Variants in PEX5L observed in about 807,000 individuals in gnomAD.
PEX5L encodes peroxisomal biogenesis factor 5 like.
In PEX5L, 30 loss-of-function variants were observed where a neutral mutation model predicts 84.0. The ratio of observed to expected loss-of-function variants is 0.36; its 90% CI spans 0.27 to 0.48. PEX5L has a LOEUF of 0.48. Ranked by LOEUF, PEX5L falls within the 20% of genes least tolerant of loss-of-function variation. The pLI is 0.99. For synonymous variants in PEX5L, 270 were observed against 283.1 expected (o/e 0.95, Z 0.46); for missense variants, 533 against 754.6 (o/e 0.71, Z 3.44).
At chr3:179,857,888 A>C (rs571005305) in intron 8 of PEX5L, among the ~76,000 whole-genome samples, 1 of 152,346 alleles carries the variant, frequency 6.6e-6, no homozygotes, top group South Asian at 2.1e-4. Context: ...AGTTGATCAC[A>C]TTCAAGAGCA....
At chr3:179,894,758 A>G (rs1758696296) in intron 3 of PEX5L, among the ~76,000 whole-genome samples, 1 of 152,076 alleles carries the variant, frequency 6.6e-6, no homozygotes, top group Admixed American at 6.6e-5. Flanking sequence ...AGAAAAAACA[A>G]AGGCTGGGTT....
At chr3:180,033,376 T>G in intron 1 of PEX5L, among the ~76,000 whole-genome samples, 1 of 147,832 alleles carries the variant, frequency 6.8e-6, no homozygotes, top group East Asian at 1.9e-4. Context: ...TTTGTTTGAT[T>G]GCCTTCTGAA....
intron 1 of PEX5L, among the ~76,000 whole-genome samples, chr3:180,032,057 C>G (rs1016617601): frequency 6.6e-6 from 1 of 152,094 alleles, no homozygotes; most frequent in Non-Finnish European, 1.5e-5. Flanking sequence ...TCAGATTAAT[C>G]AAGTATTCTG....
intron 2 of PEX5L, among the ~76,000 whole-genome samples, chr3:179,930,607 C>G (rs894100497): frequency 6.6e-5 from 10 of 152,182 alleles, no homozygotes; most frequent in African/African-American, 2.4e-4. Context: ...CTTACTAGGA[C>G]AAAATAACCA....
chr3:179,894,281 A>T (rs1029235890), intron 3 of PEX5L, among the ~76,000 whole-genome samples: 10 of 152,122 alleles, frequency 6.6e-5, no homozygotes, highest in African/African-American at 2.4e-4. Flanking sequence ...AATCATTACC[A>T]TGCAACCGCT....
intron 8 of PEX5L, among the ~76,000 whole-genome samples, chr3:179,823,267 C>T (rs1039304510): frequency 1.3e-5 from 2 of 152,048 alleles, no homozygotes; most frequent in East Asian, 1.9e-4. Flanking sequence ...TCTAATTACT[C>T]AAAAATAAGA....
chr3:179,808,870 A>G (rs901223307), intron 12 of PEX5L, among the ~76,000 whole-genome samples: 7 of 151,716 alleles, frequency 4.6e-5, no homozygotes, highest in Non-Finnish European at 7.4e-5. Flanking sequence ...GAGGTCAGGG[A>G]ATCAAGACCA....
Position 179,798,437 on chromosome 3 carries a change from T to G in PEX5L, c.*3391A>C, listed in dbSNP as rs1717875964. On this transcript the variant is annotated 3_prime_UTR_variant, in exon 15 of 15. Transcript: ENST00000467460. Reference sequence around the variant, plus strand: ...TATTCCTCCTCCTCTCCCCTATCCCTCTGTCTCCTCCTCACCAGGAAGGTA... The same window carrying G: ...TATTCCTCCTCCTCTCCCCTATCCCGCTGTCTCCTCCTCACCAGGAAGGTA... The G allele has an allele frequency of 6.6e-6, 1 of 152,218 alleles. No homozygotes were observed. The highest frequency in any genetic ancestry group is 2.4e-5 in the African/African-American group (1 of 41,444). 9.4% of individuals were successfully genotyped at this position (152,218 alleles called of 1,614,324 possible).
chr3:179,868,656 G>C (rs753141936), intron 7 of PEX5L, among the ~76,000 whole-genome samples: 1 of 152,090 alleles, frequency 6.6e-6, no homozygotes. Context: ...TTAACTGAGA[G>C]TCTGACACCT....
At chr3:179,986,397 A>ATTTTTTTTT (rs11344304) in intron 1 of PEX5L, among the ~76,000 whole-genome samples, 1 of 111,096 alleles carries the variant, frequency 9.0e-6, no homozygotes, top group Non-Finnish European at 1.7e-5. Context: ...CCATTTAGTA[A>ATTTTTTTTT]TTTTTTTTTT....
chr3:179,836,479 C>G (rs1405654138), intron 8 of PEX5L, among the ~76,000 whole-genome samples: 2 of 152,056 alleles, frequency 1.3e-5, no homozygotes, highest in East Asian at 3.8e-4. Context: ...AGTTACAGGC[C>G]ACCAAAACTA....
chr3:179,798,050 C>G lies in PEX5L; in HGVS notation c.*3778G>C, dbSNP rs1160336077. The G allele has an allele frequency of 6.6e-6, 1 of 152,132 alleles. No individual in the cohort carries two copies. The highest frequency in any genetic ancestry group is 1.5e-5 in the Non-Finnish European group (1 of 67,998). 9.4% of individuals were successfully genotyped at this position (152,132 alleles called of 1,614,324 possible). On this transcript the variant is annotated 3_prime_UTR_variant, in exon 15 of 15. Coordinates refer to ENST00000467460, the MANE Select transcript of PEX5L (RefSeq NM_016559.3). ...GCTTTTATTATAAAAGTGGGACTAGCTACAACTGTATTCAAGTCTTGCTTG... is the reference window on the plus strand; with the variant it reads ...GCTTTTATTATAAAAGTGGGACTAGGTACAACTGTATTCAAGTCTTGCTTG...
intron 2 of PEX5L, among the ~76,000 whole-genome samples, chr3:179,942,693 A>C (rs1295743957): frequency 1.3e-5 from 2 of 152,330 alleles, no homozygotes; most frequent in Admixed American, 6.5e-5. Flanking sequence ...TTCACCTGTC[A>C]ACTGAGTCTC....
chr3:179,865,468 G>GA (rs1747778365), intron 7 of PEX5L, among the ~76,000 whole-genome samples: 1 of 151,536 alleles, frequency 6.6e-6, no homozygotes, highest in Non-Finnish European at 1.5e-5. Context: ...ATGAAATACA[G>GA]ATTATAACAT....
intron 7 of PEX5L, among the ~76,000 whole-genome samples, chr3:179,859,697 C>T (rs773755649): frequency 6.6e-6 from 1 of 152,166 alleles, no homozygotes; most frequent in Non-Finnish European, 1.5e-5. Context: ...TTGGCACTGT[C>T]TTATGTCTCA....
intron 1 of PEX5L, among the ~76,000 whole-genome samples, chr3:179,976,232 T>G (rs1479026599): frequency 6.6e-6 from 1 of 152,192 alleles, no homozygotes; most frequent in Admixed American, 6.5e-5. Context: ...GTTCTGATAG[T>G]GTCAGATGCT....
rs572098594 is a variant in PEX5L, at chr3:179,884,258, A to G, written c.310+3415T>C. Among the ~76,000 whole-genome samples, 28 of 152,280 alleles carry G rather than the reference A, an allele frequency of 1.8e-4. 1 individual carries two copies. The highest frequency in any genetic ancestry group is 5.5e-4 in the African/African-American group (23 of 41,556). On this transcript the variant is annotated intron_variant, in intron 4 of 14. Transcript: ENST00000467460. ...TGGCAAAAGGGACTTTGCAGATGTAATTAAGGATTTGGAGACTGAAAGATT... is the reference window on the plus strand; with the variant it reads ...TGGCAAAAGGGACTTTGCAGATGTAGTTAAGGATTTGGAGACTGAAAGATT...
At chr3:179,848,871 C>T (rs1740679453) in intron 8 of PEX5L, among the ~76,000 whole-genome samples, 1 of 152,124 alleles carries the variant, frequency 6.6e-6, no homozygotes, top group Non-Finnish European at 1.5e-5. Flanking sequence ...GAGATGAGAT[C>T]TGAGTCAGAG....
chr3:179,922,750 A>G (rs113113194), intron 2 of PEX5L, among the ~76,000 whole-genome samples: 13 of 151,698 alleles, frequency 8.6e-5, no homozygotes, highest in African/African-American at 3.1e-4. Flanking sequence ...CACTGTGCCC[A>G]GCCCTTTTCT....
Sources: gnomAD v4.1 joint callset for allele counts (sites outside exome capture counted in the v4.1 genomes callset) on GRCh38, gnomAD v4.1.1 for gene constraint, MANE v1.5 for transcripts, NCBI Gene and HGNC (gene_info 2026-07-23, HGNC 2026-07-21) for gene names.